The following KIAA1217 variants were observed in gnomAD, a reference collection of about 807,000 sequenced individuals.
KIAA1217 encodes the protein KIAA1217.
Under a neutral mutation model 163.9 loss-of-function variants are expected in KIAA1217, and 88 were observed. The observed-to-expected ratio is 0.54, with a 90% CI of 0.45 to 0.64. KIAA1217 has a LOEUF of 0.64. KIAA1217 is among the 30% of genes least tolerant of loss of function. The pLI is 0.00. For missense variants in KIAA1217, 2,372 were observed against 2,475.0 expected, an observed-to-expected ratio of 0.96 and a Z score of 0.88; for synonymous variants, 903 against 923.1, an observed-to-expected ratio of 0.98 and a Z score of 0.39.
At position 23,830,706 on chromosome 10, in the gene KIAA1217, G is replaced by GTAGGTAGGTAGGTAGA. The variant is rs1415168509; in HGVS notation, c.-321+135475_-321+135476insGTAGGTAGGTAGATAG. ...GGTAGGTAGGTAGGTAGGTAGGTAG[G>GTAGGTAGGTAGGTAGA]TAGATAGATAGGTAGATAGATAGCT... is the stretch of plus-strand genomic sequence containing the variant. On this transcript the variant is annotated intron_variant, in intron 1 of 18. Coordinates refer to the KIAA1217 transcript ENST00000376462. Among the ~76,000 whole-genome samples the GTAGGTAGGTAGGTAGA allele has an allele frequency of 1.2e-4, 15 of 126,984 alleles. No individual in the cohort carries two copies. In the East Asian group the frequency reaches 2.8e-3, roughly 23 times the overall value. The allele number at this position is 126,984 out of a possible 152,430, so 83.3% of individuals were successfully genotyped here.
intron 5 of KIAA1217, among the ~76,000 whole-genome samples, chr10:24,453,703 T>C (rs2061557436): frequency 6.6e-6 from 1 of 152,224 alleles, no homozygotes; most frequent in South Asian, 2.1e-4. Flanking sequence ...AGTTGTTCAT[T>C]GCTTGGAACC....
intron 2 of KIAA1217, among the ~76,000 whole-genome samples, chr10:24,081,745 GA>G (rs2061544834): frequency 6.6e-6 from 1 of 152,216 alleles, no homozygotes; most frequent in Admixed American, 6.5e-5. Flanking sequence ...AATGTGTGAA[GA>G]AAATTTATAA....
intron 2 of KIAA1217, among the ~76,000 whole-genome samples, chr10:24,046,660 C>A (rs1391179642): frequency 3.3e-5 from 5 of 152,144 alleles, no homozygotes; most frequent in African/African-American, 1.2e-4. Context: ...AGAAATCCAC[C>A]CCCATGATTC....
intron 5 of KIAA1217, among the ~76,000 whole-genome samples, chr10:24,454,864 A>G (rs1052897861): frequency 1.7e-5 from 2 of 121,174 alleles, no homozygotes; most frequent in African/African-American, 5.6e-5. Flanking sequence ...AACTGCAAGG[A>G]AAAAAAAAAA....
At chr10:23,973,882 A>G (rs1161812252) in intron 1 of KIAA1217, among the ~76,000 whole-genome samples, 1 of 152,170 alleles carries the variant, frequency 6.6e-6, no homozygotes, top group Non-Finnish European at 1.5e-5. Context: ...GGAAATGAAG[A>G]CACCTTCCGA....
At chr10:24,082,125 G>A (rs1323853481) in intron 2 of KIAA1217, among the ~76,000 whole-genome samples, 3 of 152,298 alleles carry the variant, frequency 2.0e-5, no homozygotes, top group East Asian at 3.8e-4. Context: ...TCAGCCTCTG[G>A]TTAGGAATGA....
chr10:23,844,743 T>C (rs1838940775), intron 1 of KIAA1217, among the ~76,000 whole-genome samples: 1 of 152,096 alleles, frequency 6.6e-6, no homozygotes, highest in Non-Finnish European at 1.5e-5. Context: ...CGTTTAATTT[T>C]TTTATTGTTA....
At chr10:24,529,798 A>ATTTT (rs34277036) in intron 14 of KIAA1217, among the ~76,000 whole-genome samples, 4 of 132,184 alleles carry the variant, frequency 3.0e-5, no homozygotes, top group African/African-American at 8.6e-5. Context: ...AGCTCATCAC[A>ATTTT]TTTTTTTTTT....
At chr10:23,780,093 AT>A (rs1355175550) in intron 1 of KIAA1217, among the ~76,000 whole-genome samples, 1 of 152,212 alleles carries the variant, frequency 6.6e-6, no homozygotes, top group African/African-American at 2.4e-5. Context: ...GGAACACATA[AT>A]AGGAAAAATA....
rs117754907 is a variant in KIAA1217, at chr10:24,113,053, A to G, written c.-171+105679A>G. ...TCTCTCCAGCCTCCAGGAGGAACCTACCATGACACACCCTGATTCCAGGGT... is the reference window on the plus strand; with the variant it reads ...TCTCTCCAGCCTCCAGGAGGAACCTGCCATGACACACCCTGATTCCAGGGT... On this transcript the variant is annotated intron_variant, in intron 2 of 18. Coordinates refer to the KIAA1217 transcript ENST00000376462. Among the ~76,000 whole-genome samples, 238 of 152,248 alleles carry G rather than the reference A, an allele frequency of 1.6e-3. 3 individuals carry two copies. In the East Asian group the frequency reaches 0.029, roughly 18 times the overall value.
chr10:24,433,877 A>G lies in KIAA1217; in HGVS notation c.752+684A>G, dbSNP rs543769470. On this transcript the variant is annotated intron_variant, in intron 4 of 20. Coordinates refer to ENST00000376454, the MANE Select transcript of KIAA1217 (RefSeq NM_019590.5). ...TTCATTTCTTAAAGAGTTGTCCTTT[A>G]CCCAAAGATCTTACTTTCCAGGTGG... 2.0e-5 allele frequency among the ~76,000 whole-genome samples: 3 copies of G among 152,206 alleles called. No individual in the cohort carries two copies. In the East Asian group the frequency reaches 5.8e-4, roughly 29 times the overall value.
At chr10:23,877,433 T>C (rs1215179749) in intron 1 of KIAA1217, 2 of 152,030 alleles carry the variant, frequency 1.3e-5, no homozygotes, top group African/African-American at 4.8e-5. Flanking sequence ...CTCGGTTTAA[T>C]GCTGTCCACC....
chr10:23,999,047 TA>T (rs2131458997), intron 1 of KIAA1217, among the ~76,000 whole-genome samples: 1 of 152,350 alleles, frequency 6.6e-6, no homozygotes, highest in East Asian at 1.9e-4. Flanking sequence ...TAACTATCAC[TA>T]AAAATAGCCA....
At chr10:23,975,970 T>C (rs1249159356) in intron 1 of KIAA1217, among the ~76,000 whole-genome samples, 1 of 152,218 alleles carries the variant, frequency 6.6e-6, no homozygotes, top group Non-Finnish European at 1.5e-5. Context: ...CACTAGTCTA[T>C]GTAGGGACTG....
intron 2 of KIAA1217, among the ~76,000 whole-genome samples, chr10:24,175,600 GCTCA>G (rs1371473982): frequency 6.6e-6 from 1 of 152,036 alleles, no homozygotes; most frequent in Non-Finnish European, 1.5e-5. Context: ...GGGTTCTTGG[GCTCA>G]CTGACTTCAA....
chr10:24,210,055 A>T (rs991545841), intron 1 of KIAA1217, among the ~76,000 whole-genome samples: 1 of 152,160 alleles, frequency 6.6e-6, no homozygotes, highest in African/African-American at 2.4e-5. Flanking sequence ...CAGCATGTTC[A>T]TAAACCACAC....
Position 23,789,960 on chromosome 10 carries a change from CACATAT to C in KIAA1217, c.-321+94740_-321+94745del, listed in dbSNP as rs758015503. ...ACATATACATATACATGTATATATA[CACATAT>C]ACATATACATATATACACATATACA... On this transcript the variant is annotated intron_variant, in intron 1 of 18. Coordinates refer to the KIAA1217 transcript ENST00000376462. Among the ~76,000 whole-genome samples, 41 of 126,578 alleles carry C rather than the reference CACATAT, an allele frequency of 3.2e-4. 8 individuals are homozygous for C. Among genetic ancestry groups the C allele is most frequent in the Non-Finnish European group, 4.9e-4 (30 of 61,416 alleles). 83.0% of individuals were successfully genotyped at this position (126,578 alleles called of 152,430 possible). A position where few individuals can be genotyped will look rare whatever the true frequency, so the allele number is the denominator to read the frequency against.
intron 1 of KIAA1217, among the ~76,000 whole-genome samples, chr10:23,767,733 G>C (rs6482344): frequency 5.3e-5 from 8 of 151,922 alleles, no homozygotes; most frequent in African/African-American, 1.9e-4. Flanking sequence ...TGGGGGCAGG[G>C]TTTTAGTGCC....
intron 2 of KIAA1217, among the ~76,000 whole-genome samples, chr10:24,084,820 C>T (rs1288725052): frequency 6.6e-6 from 1 of 152,070 alleles, no homozygotes; most frequent in Non-Finnish European, 1.5e-5. Context: ...GATTCACTGC[C>T]GACAAGCCTC....
Sources: allele counts gnomAD v4.1 joint callset (sites outside exome capture counted in the v4.1 genomes callset), GRCh38; gene constraint gnomAD v4.1.1; transcripts MANE v1.5; gene names NCBI Gene and HGNC (gene_info 2026-07-23, HGNC 2026-07-21).